The following FARP1 variants were observed in gnomAD, a reference collection of about 807,000 sequenced individuals.
FARP1 encodes the protein FERM, ARHGEF and pleckstrin domain-containing protein 1.
A neutral mutation model predicts 128.8 loss-of-function variants in FARP1; 52 were observed. The ratio of observed to expected loss-of-function variants is 0.40; its 90% confidence interval spans 0.32 to 0.51. FARP1 has a LOEUF of 0.51. FARP1 is among the 20% of genes least tolerant of loss of function. FARP1 has a pLI of 0.45. For synonymous variants in FARP1, 580 were observed against 551.8 expected, an observed-to-expected ratio of 1.05 and a Z score of -0.72; for missense variants, 1,333 against 1,367.9, an observed-to-expected ratio of 0.97 and a Z score of 0.40.
intron 2 of FARP1, among the ~76,000 whole-genome samples, chr13:98,220,592 T>C (rs938309677): frequency 1.3e-5 from 2 of 152,214 alleles, no homozygotes; most frequent in African/African-American, 4.8e-5. Flanking sequence ...AAATGGTGCT[T>C]GTCTGAGTGT....
At chr13:98,288,546 C>T (rs1382649682) in intron 2 of FARP1, among the ~76,000 whole-genome samples, 1 of 152,164 alleles carries the variant, frequency 6.6e-6, no homozygotes, top group African/African-American at 2.4e-5. Context: ...GTCCCATCAC[C>T]AACCCCTTCA....
intron 1 of FARP1, chr13:98,159,373 A>C (rs114084535): frequency 6.6e-6 from 1 of 152,156 alleles, no homozygotes; most frequent in Non-Finnish European, 1.5e-5. Context: ...AGTGTGCCAG[A>C]TGAGGGTGAG....
rs542644036 is a variant in FARP1 at position 98,227,753 on chromosome 13, T to C, written c.171+14340T>C. Among the ~76,000 whole-genome samples, 7 of 152,262 alleles carry C rather than the reference T, an allele frequency of 4.6e-5. No individual in the cohort carries two copies. In the East Asian group the frequency reaches 1.2e-3, roughly 25 times the overall value. On this transcript the variant is annotated intron_variant, in intron 2 of 26. Coordinates refer to ENST00000319562, the MANE Select transcript of FARP1 (RefSeq NM_005766.4). ...TCCTTGGATAAATGGAGAAGCAAAG[T>C]GTGTTATATACGTGCAAAATGGTGT... is the stretch of plus-strand genomic sequence containing the variant.
intron 1 of FARP1, among the ~76,000 whole-genome samples, chr13:98,144,087 T>A (rs1875314017): frequency 6.6e-6 from 1 of 152,232 alleles, no homozygotes; most frequent in African/African-American, 2.4e-5. Context: ...TTTTATTTTT[T>A]AAAGCAAAGG....
intron 2 of FARP1, among the ~76,000 whole-genome samples, chr13:98,264,806 TAAG>T (rs1380040555): frequency 2.6e-5 from 4 of 152,208 alleles, no homozygotes; most frequent in African/African-American, 9.6e-5. Flanking sequence ...ATAGTAATAA[TAAG>T]AATTACTAAT....
chr13:98,363,493 C>T (rs910236417), intron 3 of FARP1, among the ~76,000 whole-genome samples: 1 of 152,200 alleles, frequency 6.6e-6, no homozygotes, highest in Non-Finnish European at 1.5e-5. Context: ...GGGTACCCAC[C>T]TTTGATATAC....
intron 13 of FARP1, chr13:98,407,239 C>G (rs1489392089): frequency 6.5e-6 from 1 of 152,672 alleles, no homozygotes; most frequent in Non-Finnish European, 1.5e-5. Flanking sequence ...AAACAACTCT[C>G]CAACAGCAAC....
chr13:98,238,714 A>G (rs1882591466), intron 2 of FARP1, among the ~76,000 whole-genome samples: 1 of 152,186 alleles, frequency 6.6e-6, no homozygotes. Flanking sequence ...CCTCCCACCA[A>G]GTCCTTCCCA....
At chr13:98,434,983 A>C (rs919437936) in intron 18 of FARP1, 6 of 152,314 alleles carry the variant, frequency 3.9e-5, no homozygotes, top group African/African-American at 1.4e-4. Context: ...ACAAGAGCAA[A>C]ACTCTGTCTC....
intron 2 of FARP1, among the ~76,000 whole-genome samples, chr13:98,269,812 T>C (rs755619081): frequency 6.6e-6 from 1 of 152,226 alleles, no homozygotes; most frequent in African/African-American, 2.4e-5. Context: ...ATTCAGTTGT[T>C]ATTTATTTAA....
chr13:98,400,135 C>T (rs2140087591), intron 13 of FARP1: 1 of 152,284 alleles, frequency 6.6e-6, no homozygotes, highest in Admixed American at 6.5e-5. Flanking sequence ...TGATTTTATT[C>T]TCAAGAACTT....
intron 5 of FARP1, 52 bp from the exon 6 acceptor site, chr13:98,377,769 C>T (rs1365243334): frequency 1.2e-5 from 17 of 1,391,202 alleles, no homozygotes; most frequent in African/African-American, 7.1e-5. Context: ...GCCAGGTTCC[C>T]GGTGACCTCC....
chr13:98,193,387 C>T (rs1230141098), intron 1 of FARP1, among the ~76,000 whole-genome samples: 1 of 152,164 alleles, frequency 6.6e-6, no homozygotes, highest in African/African-American at 2.4e-5. Context: ...TATTTCCCCT[C>T]ATAGAAGCAG....
intron 3 of FARP1, among the ~76,000 whole-genome samples, chr13:98,351,617 A>T (rs1381624319): frequency 6.6e-6 from 1 of 151,894 alleles, no homozygotes; most frequent in African/African-American, 2.4e-5. Flanking sequence ...ATCTAAAAAA[A>T]AAAAAAAAAG....
intron 1 of FARP1, among the ~76,000 whole-genome samples, chr13:98,178,440 C>A (rs1322651751): frequency 2.6e-5 from 4 of 152,184 alleles, no homozygotes; most frequent in Non-Finnish European, 4.4e-5. Context: ...AGGTGATCCA[C>A]CCACCTTGGC....
Position 98,368,101 on chromosome 13 carries a change from T to G in FARP1, c.320-16T>G, listed in dbSNP as rs1216777062. ...AAATCAGTAAATGCTTTACTTCTTT[T>G]TTTCTTCTTCTTTAGGGCCAAAGCA... is the stretch of plus-strand genomic sequence containing the variant. On this transcript the variant is annotated splice_polypyrimidine_tract_variant and intron_variant, in intron 4 of 26. Coordinates refer to ENST00000319562, the MANE Select transcript of FARP1 (RefSeq NM_005766.4). The G allele has an allele frequency of 6.2e-7, 1 of 1,607,392 alleles. No individual in the cohort carries two copies. Among genetic ancestry groups the G allele is most frequent in the Non-Finnish European group, 8.5e-7 (1 of 1,175,040 alleles).
intron 1 of FARP1, among the ~76,000 whole-genome samples, chr13:98,149,816 C>T (rs1419334015): frequency 2.3e-5 from 3 of 132,206 alleles, no homozygotes; most frequent in Non-Finnish European, 4.6e-5. Flanking sequence ...TGGCTCACTG[C>T]AAGCTGTGCC....
At chr13:98,314,527 C>A (rs1886640393) in intron 2 of FARP1, among the ~76,000 whole-genome samples, 1 of 152,084 alleles carries the variant, frequency 6.6e-6, no homozygotes, top group Non-Finnish European at 1.5e-5. Context: ...ATCTGCCCGC[C>A]TCGGCCTCCC....
rs1187306762 is a variant in FARP1 at position 98,432,504 on chromosome 13, C to G, written c.2143+1224C>G. 4.6e-5 allele frequency: 7 copies of G among 152,424 alleles called. No homozygotes were observed. In the East Asian group the frequency reaches 1.4e-3, roughly 29 times the overall value. 9.4% of individuals were successfully genotyped at this position (152,424 alleles called of 1,614,324 possible). On this transcript the variant is annotated intron_variant, in intron 18 of 26. Coordinates refer to ENST00000319562, the MANE Select transcript of FARP1 (RefSeq NM_005766.4). ...TGGGTGTCTGCCCTCCCTGGCCTAG[C>G]ATGCGGAGTTGGCCCTGCGTAGGTG...
Sources: allele counts gnomAD v4.1 joint callset (sites outside exome capture counted in the v4.1 genomes callset), GRCh38; gene constraint gnomAD v4.1.1; transcripts MANE v1.5; gene names NCBI Gene and HGNC (gene_info 2026-07-23, HGNC 2026-07-21).